Variants in FBXL7 observed in about 807,000 individuals in gnomAD.
FBXL7 encodes the protein F-box/LRR-repeat protein 7.
FBXL7 carries 12 observed loss-of-function variants against 38.3 expected under a neutral mutation model. That is an observed-to-expected ratio of 0.31 (90% confidence interval 0.20 to 0.51). The LOEUF is 0.51. FBXL7 is among the 20% of genes least tolerant of loss of function. The pLI is 0.98. For synonymous variants in FBXL7, 297 were observed against 300.9 expected (o/e 0.99, Z 0.13); for missense variants, 567 against 676.4 (o/e 0.84, Z 1.79).
chr5:15,621,028 G>A (rs1036233582), intron 2 of FBXL7, among the ~76,000 whole-genome samples: 3 of 152,134 alleles, frequency 2.0e-5, no homozygotes, highest in African/African-American at 2.4e-5. Flanking sequence ...ACTCTGGGTC[G>A]TAAGGCTGTT....
At chr5:15,537,560 C>T (rs1179214638) in intron 1 of FBXL7, among the ~76,000 whole-genome samples, 1 of 152,208 alleles carries the variant, frequency 6.6e-6, no homozygotes, top group Non-Finnish European at 1.5e-5. Flanking sequence ...GTTGGTGAGG[C>T]AAGAGAGTAT....
intron 2 of FBXL7, among the ~76,000 whole-genome samples, chr5:15,780,164 T>A (rs1736955660): frequency 1.3e-5 from 2 of 152,122 alleles, no homozygotes; most frequent in Non-Finnish European, 2.9e-5. Context: ...CTATATATTT[T>A]TTTCACTAAG....
chr5:15,666,296 T>C (rs1230355351), intron 2 of FBXL7, among the ~76,000 whole-genome samples: 2 of 152,210 alleles, frequency 1.3e-5, no homozygotes, highest in Admixed American at 6.5e-5. Flanking sequence ...AGCATGAAAT[T>C]TACTGTCTTA....
chr5:15,786,779 G>T (rs925920437), intron 2 of FBXL7, among the ~76,000 whole-genome samples: 19 of 152,094 alleles, frequency 1.2e-4, no homozygotes, highest in African/African-American at 4.6e-4. Context: ...TGCAAAGATG[G>T]GTGTAATGAG....
intron 3 of FBXL7, among the ~76,000 whole-genome samples, chr5:15,933,174 A>G (rs921287067): frequency 2.0e-5 from 3 of 152,242 alleles, no homozygotes; most frequent in East Asian, 1.9e-4. Flanking sequence ...TAGCAAATCT[A>G]TAAGAGTTTG....
rs878961917 is a variant in FBXL7, at chr5:15,939,715, T to G, written c.*2529T>G. ...GTTTGTTGTTGTTGTTTTTTAATTCTAATGTTCAAATCACTGCGTGCTGTA... is the reference window on the plus strand; with the variant it reads ...GTTTGTTGTTGTTGTTTTTTAATTCGAATGTTCAAATCACTGCGTGCTGTA... On this transcript the variant is annotated 3_prime_UTR_variant, in exon 4 of 4. Coordinates refer to ENST00000504595, the MANE Select transcript of FBXL7 (RefSeq NM_012304.5). 6.6e-6 allele frequency: 1 copy of G among 152,666 alleles called. No homozygotes were observed. Among genetic ancestry groups the G allele is most frequent in the African/African-American group, 2.4e-5 (1 of 41,464 alleles). The allele number at this position is 152,666 out of a possible 1,614,324, so 9.5% of individuals were successfully genotyped here.
intron 2 of FBXL7, among the ~76,000 whole-genome samples, chr5:15,877,713 A>T (rs1256358166): frequency 6.6e-6 from 1 of 152,208 alleles, no homozygotes; most frequent in African/African-American, 2.4e-5. Context: ...TGCATTGCCA[A>T]GCCTATCTGT....
intron 2 of FBXL7, among the ~76,000 whole-genome samples, chr5:15,754,218 T>C (rs1736231763): frequency 1.3e-5 from 2 of 152,222 alleles, no homozygotes; most frequent in Non-Finnish European, 2.9e-5. Flanking sequence ...GGGTGACTTT[T>C]ATGCTCTGTG....
intron 2 of FBXL7, among the ~76,000 whole-genome samples, chr5:15,842,092 T>C (rs1738764617): frequency 6.6e-6 from 1 of 152,180 alleles, no homozygotes; most frequent in South Asian, 2.1e-4. Flanking sequence ...ACCAACAGCT[T>C]GCACCGTGTG....
At chr5:15,703,355 A>G (rs1428518600) in intron 2 of FBXL7, among the ~76,000 whole-genome samples, 4 of 152,232 alleles carry the variant, frequency 2.6e-5, no homozygotes, top group African/African-American at 4.8e-5. Context: ...TGAATTTCCA[A>G]AAATTTACTT....
rs144211037 is a variant in FBXL7, at chr5:15,820,846, A to G, written c.128-107044A>G. 2.9e-3 allele frequency among the ~76,000 whole-genome samples: 447 copies of G among 152,230 alleles called. 2 individuals are homozygous for G. The highest frequency in any genetic ancestry group is 4.8e-3 in the South Asian group (23 of 4,824). On this transcript the variant is annotated intron_variant, in intron 2 of 3. Coordinates refer to ENST00000504595, the MANE Select transcript of FBXL7 (RefSeq NM_012304.5). ...TCTTGAGAGCTGTCATGTTGCAGCA[A>G]CTTGGCTACACTCATCCCACACCCC...
At chr5:15,893,930 T>C (rs1474171400) in intron 2 of FBXL7, among the ~76,000 whole-genome samples, 1 of 152,200 alleles carries the variant, frequency 6.6e-6, no homozygotes. Flanking sequence ...GGTAGGGCTA[T>C]AGAGAAAACA....
At chr5:15,762,729 A>C (rs1301903958) in intron 2 of FBXL7, among the ~76,000 whole-genome samples, 1 of 152,206 alleles carries the variant, frequency 6.6e-6, no homozygotes, top group Non-Finnish European at 1.5e-5. Context: ...CAATTGTCTA[A>C]GTTTTTCAGA....
chr5:15,546,251 G>GA (rs1737888138), intron 1 of FBXL7, among the ~76,000 whole-genome samples: 1 of 151,998 alleles, frequency 6.6e-6, no homozygotes, highest in Non-Finnish European at 1.5e-5. Context: ...CCAACATGGT[G>GA]AAACCCCATT....
chr5:15,757,825 T>C (rs1736337882), intron 2 of FBXL7, among the ~76,000 whole-genome samples: 1 of 152,138 alleles, frequency 6.6e-6, no homozygotes, highest in Non-Finnish European at 1.5e-5. Context: ...TGCAGCTAAG[T>C]GGGAAGGAGG....
rs943273289 is a variant in FBXL7, at chr5:15,939,779, G to A, written c.*2593G>A. 20 of 152,494 alleles carry A rather than the reference G, an allele frequency of 1.3e-4. No homozygotes were observed. The highest frequency in any genetic ancestry group is 4.8e-4 in the African/African-American group (20 of 41,388). 9.4% of individuals were successfully genotyped at this position (152,494 alleles called of 1,614,324 possible). ...CCTTAATTTACTACCAAGAAATAAA[G>A]CAATATGTTCGTAATCAGCCTCAGC... On this transcript the variant is annotated 3_prime_UTR_variant, in exon 4 of 4. Coordinates refer to ENST00000504595, the MANE Select transcript of FBXL7 (RefSeq NM_012304.5).
At chr5:15,801,080 C>T (rs1224320585) in intron 2 of FBXL7, among the ~76,000 whole-genome samples, 2 of 152,160 alleles carry the variant, frequency 1.3e-5, no homozygotes, top group Non-Finnish European at 1.5e-5. Flanking sequence ...TTAGCTTTTG[C>T]TCTTAGGATG....
chr5:15,883,998 A>G (rs770356137), intron 2 of FBXL7, among the ~76,000 whole-genome samples: 1 of 152,206 alleles, frequency 6.6e-6, no homozygotes, highest in African/African-American at 2.4e-5. Flanking sequence ...GAGAGGGTAC[A>G]GAAGTCAACT....
At chr5:15,705,407 T>C (rs1743651893) in intron 2 of FBXL7, among the ~76,000 whole-genome samples, 1 of 152,236 alleles carries the variant, frequency 6.6e-6, no homozygotes, top group Non-Finnish European at 1.5e-5. Context: ...GCTCTGTGTC[T>C]GCAATCCCTA....
Sources: allele counts gnomAD v4.1 joint callset (sites outside exome capture counted in the v4.1 genomes callset), GRCh38; gene constraint gnomAD v4.1.1; transcripts MANE v1.5; gene names NCBI Gene and HGNC (gene_info 2026-07-23, HGNC 2026-07-21).